The following GJA9 variants were observed in gnomAD, a reference collection of about 807,000 sequenced individuals.
GJA9 encodes gap junction alpha-9 protein.
A neutral mutation model predicts 0.4 loss-of-function variants in GJA9; 1 was observed. The observed-to-expected ratio is 2.50, with a 90% CI of 0.89 to 11.88. The LOEUF is 11.88. Among genes scored for constraint, GJA9 ranks in the 30% most tolerant of loss-of-function variants. GJA9 has a pLI of 0.12. For missense variants in GJA9, 550 were observed against 602.8 expected, an observed-to-expected ratio of 0.91 and a Z score of 0.92; for synonymous variants, 190 against 219.1, an observed-to-expected ratio of 0.87 and a Z score of 1.17.
At position 38,876,130 on chromosome 1, in the gene GJA9, C is replaced by G; in HGVS notation, c.-32G>C. 1 of 1,532,866 alleles carries G rather than the reference C, an allele frequency of 6.5e-7. No individual in the cohort carries two copies. The highest frequency in any genetic ancestry group is 1.2e-5 in the South Asian group (1 of 85,512). The allele number at this position is 1,532,866 out of a possible 1,614,324, so 95.0% of individuals were successfully genotyped here. ...TTAGTCAGCCATCTTAGCTCTGATC[C>G]ACATCAAATAAGAGGCAGATAAATT... On this transcript the variant is annotated 5_prime_UTR_variant, in exon 2 of 2. Transcript: ENST00000357771.
In GJA9 at chr1:38,874,322, T is replaced by A; in HGVS notation, c.*229A>T. 1 of 438,770 alleles carries A rather than the reference T, an allele frequency of 2.3e-6. No individual in the cohort carries two copies. The highest frequency in any genetic ancestry group is 3.9e-6 in the Non-Finnish European group (1 of 258,372). 27.2% of individuals were successfully genotyped at this position (438,770 alleles called of 1,614,324 possible). ...CCAAAATCAGTTACATTCGAAAGGA[T>A]ATCATTTAAAAAAAAAAAAATCCTG... On this transcript the variant is annotated 3_prime_UTR_variant, in exon 2 of 2. Transcript: ENST00000357771.
Position 38,875,450 on chromosome 1 carries a change from A to G in GJA9, c.649T>C (p.Ser217Pro), listed in dbSNP as rs760790337. ...EKTIFLLFMQ[S>P]IATISLFLNI... ...AAGAAAAGTGAAATAGTGGCTATAGATTGCATAAATAATAGGAATATTGTC... is the reference window on the plus strand; with the variant it reads ...AAGAAAAGTGAAATAGTGGCTATAGGTTGCATAAATAATAGGAATATTGTC... Residue 217 changes from serine (S) to proline (P), a missense_variant, in exon 2 of 2, where the codon TCT becomes CCT. Transcript: ENST00000357771. The G allele has an allele frequency of 3.1e-6, 5 of 1,614,150 alleles. No homozygotes were observed. Among genetic ancestry groups the G allele is most frequent in the South Asian group, 1.1e-5 (1 of 91,076 alleles).
At chr1:38,878,880 T>G (rs932758809) in intron 1 of GJA9, among the ~76,000 whole-genome samples, 1 of 151,618 alleles carries the variant, frequency 6.6e-6, no homozygotes, top group African/African-American at 2.4e-5. Context: ...ATTACAGACA[T>G]GCGCCACCAT....
rs1244508518 is a variant in GJA9, at chr1:38,880,417, AATAATAAT to A, written c.-96+1007_-96+1014del. On this transcript the variant is annotated intron_variant, in intron 1 of 1. Coordinates refer to ENST00000357771, the MANE Select transcript of GJA9 (RefSeq NM_030772.5). ...GACTCTGTCTCAAAAAAAAATAAAT[AATAATAAT>A]AATAATAATAATAATAATAATAATA... is the stretch of plus-strand genomic sequence containing the variant. Among the ~76,000 whole-genome samples the A allele has an allele frequency of 1.7e-3, 60 of 36,164 alleles. 3 individuals are homozygous for A. The East Asian group carries it at 0.019, about 12-fold the overall frequency. The allele number at this position is 36,164 out of a possible 152,430, so 23.7% of individuals were successfully genotyped here. A position where few individuals can be genotyped will look rare whatever the true frequency, so the allele number is the denominator to read the frequency against.
intron 1 of GJA9, 150 bp downstream of exon 1, chr1:38,881,282 G>C (rs1642693168): frequency 2.0e-6 from 1 of 492,858 alleles, no homozygotes; most frequent in African/African-American, 2.0e-5. Flanking sequence ...AGAAGGAGCA[G>C]TAGTATTTAG....
Position 38,874,813 on chromosome 1 carries a change from G to A in GJA9, c.1286C>T (p.Ser429Phe). Reference sequence around the variant, plus strand: ...TGACCCCCGGTTTTCATGTTCTGTAGAGGAACCCCATGTAGCTCTAAGCCA... The same window carrying A: ...TGACCCCCGGTTTTCATGTTCTGTAAAGGAACCCCATGTAGCTCTAAGCCA... Reference protein sequence around the residue: ...PRWLRATWGSSTEHENRGSPP... With the variant: ...PRWLRATWGSFTEHENRGSPP... Residue 429 changes from serine to phenylalanine, a missense_variant, in exon 2 of 2, where the codon TCT becomes TTT. Physicochemically the swap from Ser to Phe is radical, Grantham distance 155. Transcript: ENST00000357771. The A allele has an allele frequency of 1.2e-6, 2 of 1,614,140 alleles. No homozygotes were observed. The highest frequency in any genetic ancestry group is 1.7e-6 in the Non-Finnish European group (2 of 1,180,026).
At chr1:38,876,659 A>T (rs995032705) in intron 1 of GJA9, among the ~76,000 whole-genome samples, 2 of 152,148 alleles carry the variant, frequency 1.3e-5, no homozygotes, top group African/African-American at 2.4e-5. Context: ...AATACAATGA[A>T]AAAAACATGA....
chr1:38,880,841 T>A lies in GJA9; in HGVS notation c.-96+591A>T, dbSNP rs191332297. 4.6e-5 allele frequency among the ~76,000 whole-genome samples: 7 copies of A among 152,018 alleles called. No individual in the cohort carries two copies. In the East Asian group the frequency reaches 1.3e-3, roughly 29 times the overall value. On this transcript the variant is annotated intron_variant, in intron 1 of 1. Transcript: ENST00000357771. ...ATTTATGGTTCATAAATAATAATAATGTAAGCAAAGATGTAATTCATGTTG... is the reference window on the plus strand; with the variant it reads ...ATTTATGGTTCATAAATAATAATAAAGTAAGCAAAGATGTAATTCATGTTG...
chr1:38,874,964 T>C lies in GJA9; in HGVS notation c.1135A>G (p.Lys379Glu), dbSNP rs1642555235. 1.9e-6 allele frequency: 3 copies of C among 1,614,112 alleles called. No individual in the cohort carries two copies. The highest frequency in any genetic ancestry group is 2.5e-6 in the Non-Finnish European group (3 of 1,180,044). ...EKRETEGKDS[K>E]RNYYSRGHRS... ...TGACCTCTAGAGTAGTAGTTCCTTT[T>C]GCTGTCTTTGCCTTCAGTTTCTCTT... is the stretch of plus-strand genomic sequence containing the variant. The change falls in exon 2 of 2, where the codon AAA becomes GAA. Residue 379 changes from lysine (K) to glutamate (E), a missense_variant. Physicochemically the swap from Lys to Glu is moderately conservative, Grantham distance 56 (BLOSUM62 1). Transcript: ENST00000357771.
At chr1:38,880,891 CATAAA>C (rs1642686875) in intron 1 of GJA9, among the ~76,000 whole-genome samples, 1 of 152,020 alleles carries the variant, frequency 6.6e-6, no homozygotes, top group Non-Finnish European at 1.5e-5. Flanking sequence ...AAGCTAAAAA[CATAAA>C]ATAATAATAC....
At chr1:38,879,429 A>G (rs1642651967) in intron 1 of GJA9, among the ~76,000 whole-genome samples, 1 of 152,198 alleles carries the variant, frequency 6.6e-6, no homozygotes, top group African/African-American at 2.4e-5. Flanking sequence ...TGTTTCCCCC[A>G]TCTTACAGAT....
At position 38,874,794 on chromosome 1, in the gene GJA9, C is replaced by T. The variant is rs1039094687; in HGVS notation, c.1305G>A (p.Arg435=). 1 of 1,614,172 alleles carries T rather than the reference C, an allele frequency of 6.2e-7. No individual in the cohort carries two copies. The highest frequency in any genetic ancestry group is 2.2e-5 in the East Asian group (1 of 44,892). Residue 435 remains arginine (R), a synonymous_variant, in exon 2 of 2, where the codon CGG becomes CGA. Coordinates refer to ENST00000357771, the MANE Select transcript of GJA9 (RefSeq NM_030772.5). ...TGAGGTTACCTTTAGGAGGTGACCC[C>T]CGGTTTTCATGTTCTGTAGAGGAAC... ...TWGSSTEHEN[R]GSPPKGNLKG...
chr1:38,878,080 T>C (rs914194059), intron 1 of GJA9, among the ~76,000 whole-genome samples: 39 of 127,488 alleles, frequency 3.1e-4, no homozygotes, highest in African/African-American at 9.9e-4. Context: ...ACTTTTTTTC[T>C]TTTTTTTTGG....
At position 38,875,338 on chromosome 1, in the gene GJA9, T is replaced by TC; in HGVS notation, c.760dup (p.Glu254GlyfsTer30). ...TTGTTTTGCCTTGTTTGCATGGAAT[T>TC]CATTATGTTCCTTCTTCAACTTGTA... is the stretch of plus-strand genomic sequence containing the variant. On this transcript the variant is annotated frameshift_variant, in exon 2 of 2. Coordinates refer to ENST00000357771, the MANE Select transcript of GJA9 (RefSeq NM_030772.5). LOFTEE classifies it low-confidence loss of function (END_TRUNC). 6.2e-7 allele frequency: 1 copy of TC among 1,614,248 alleles called. No homozygotes were observed.
chr1:38,881,474 A>G lies in GJA9; in HGVS notation c.-138T>C. ...AATCTGAGAAGCAAACCATGTTTAG[A>G]AGTTACAGCATGGCCATCTTCAATT... On this transcript the variant is annotated 5_prime_UTR_variant, in exon 1 of 2. Transcript: ENST00000357771. 1.4e-6 allele frequency: 1 copy of G among 701,910 alleles called. No individual in the cohort carries two copies. The highest frequency in any genetic ancestry group is 2.6e-6 in the Non-Finnish European group (1 of 384,612). The allele number at this position is 701,910 out of a possible 1,614,324, so 43.5% of individuals were successfully genotyped here. A position where few individuals can be genotyped will look rare whatever the true frequency, so the allele number is the denominator to read the frequency against.
In GJA9 at chr1:38,875,570, G is replaced by C. The variant is rs1463837701; in HGVS notation, c.529C>G (p.Leu177Val). Residue 177 changes from leucine (L) to valine (V), a missense_variant, in exon 2 of 2, where the codon CTT becomes GTT. By Grantham distance (32) the Leu-to-Val change is conservative. Coordinates refer to ENST00000357771, the MANE Select transcript of GJA9 (RefSeq NM_030772.5). ...VEVGFMIGQYLLYGFHLEPLF... is the reference protein window; with the variant it reads ...VEVGFMIGQYVLYGFHLEPLF... ...GGCTCTAAGTGAAATCCATATAAAA[G>C]GTACTGTCCAATCATGAATCCAACT... is the stretch of plus-strand genomic sequence containing the variant. 6.2e-7 allele frequency: 1 copy of C among 1,614,206 alleles called. No individual in the cohort carries two copies. Among genetic ancestry groups the C allele is most frequent in the Non-Finnish European group, 8.5e-7 (1 of 1,180,030 alleles).
Position 38,875,276 on chromosome 1 carries a change from G to T in GJA9, c.823C>A (p.Leu275Met). ...TCAGGGGCAGAAGGGAGTCGCTTCA[G>T]TGAATTTGCAGATGTGCTCTGGTAT... ...AKYQSTSANS[L>M]KRLPSAPDYN... Residue 275 changes from leucine to methionine, a missense_variant, in exon 2 of 2, where the codon CTG becomes ATG. Transcript: ENST00000357771. 1.2e-6 allele frequency: 2 copies of T among 1,614,178 alleles called. No individual in the cohort carries two copies. The highest frequency in any genetic ancestry group is 1.1e-5 in the South Asian group (1 of 91,086).
At chr1:38,878,969 G>C (rs995095103) in intron 1 of GJA9, among the ~76,000 whole-genome samples, 2 of 151,988 alleles carry the variant, frequency 1.3e-5, no homozygotes, top group African/African-American at 4.8e-5. Flanking sequence ...CCAACCTCAG[G>C]TGATCCACCT....
At chr1:38,877,040 CT>C (rs774625707) in intron 1 of GJA9, among the ~76,000 whole-genome samples, 17,474 of 124,384 alleles carry the variant, frequency 0.14, 1,140 homozygotes, top group Non-Finnish European at 0.18. Context: ...AAATTATATT[CT>C]TTTTTTTTTT....
Sources: allele counts gnomAD v4.1 joint callset (sites outside exome capture counted in the v4.1 genomes callset), GRCh38; gene constraint gnomAD v4.1.1; transcripts MANE v1.5; gene names NCBI Gene and HGNC (gene_info 2026-07-23, HGNC 2026-07-21).